Variants in ATXN1 observed in about 807,000 individuals in gnomAD.
ATXN1 encodes ataxin-1.
In ATXN1, 8 loss-of-function variants were observed where a neutral mutation model predicts 56.4. The ratio of observed to expected loss-of-function variants is 0.14; its 90% CI spans 0.08 to 0.26. The LOEUF (loss-of-function observed/expected upper bound fraction) is 0.26. ATXN1 is among the 10% of genes least tolerant of loss of function. ATXN1 has a pLI of 1.00. For missense variants in ATXN1, 987 were observed against 1,106.5 expected, an observed-to-expected ratio of 0.89 and a Z score of 1.53; for synonymous variants, 514 against 494.6, an observed-to-expected ratio of 1.04 and a Z score of -0.52.
chr6:16,580,364 T>C (rs930035663), intron 4 of ATXN1, among the ~76,000 whole-genome samples: 1 of 152,230 alleles, frequency 6.6e-6, no homozygotes, highest in Non-Finnish European at 1.5e-5. Flanking sequence ...AAAAGTACCA[T>C]AGAATACTGT....
intron 4 of ATXN1, among the ~76,000 whole-genome samples, chr6:16,531,552 T>G (rs916957390): frequency 1.3e-5 from 2 of 149,694 alleles, no homozygotes; most frequent in Non-Finnish European, 3.0e-5. Flanking sequence ...GAACCTGGGA[T>G]GTGGAGGTTG....
intron 3 of ATXN1, among the ~76,000 whole-genome samples, chr6:16,619,257 T>C (rs769531062): frequency 3.9e-5 from 6 of 152,168 alleles, no homozygotes; most frequent in Non-Finnish European, 8.8e-5. Flanking sequence ...AGGGCCTTAC[T>C]ATTTGAGCCA....
chr6:16,515,373 C>T (rs1262357352), intron 5 of ATXN1, among the ~76,000 whole-genome samples: 2 of 152,214 alleles, frequency 1.3e-5, no homozygotes, highest in East Asian at 3.9e-4. Flanking sequence ...GGACCCCTCC[C>T]CACAGCACTG....
chr6:16,566,594 CTG>C (rs1762222902), intron 4 of ATXN1, among the ~76,000 whole-genome samples: 1 of 152,106 alleles, frequency 6.6e-6, no homozygotes, highest in Non-Finnish European at 1.5e-5. Context: ...TGGCTCACGA[CTG>C]TAATCCCAGC....
At chr6:16,510,119 T>C (rs1249110323) in intron 5 of ATXN1, among the ~76,000 whole-genome samples, 1 of 152,224 alleles carries the variant, frequency 6.6e-6, no homozygotes, top group Non-Finnish European at 1.5e-5. Context: ...TCTTATGCCA[T>C]ACTTATTTGT....
chr6:16,447,924 T>C (rs986476868), intron 6 of ATXN1, among the ~76,000 whole-genome samples: 1 of 151,286 alleles, frequency 6.6e-6, no homozygotes, highest in South Asian at 2.1e-4. Flanking sequence ...ATGTGCCATA[T>C]AGTAGAATAA....
intron 2 of ATXN1, among the ~76,000 whole-genome samples, chr6:16,679,540 T>C (rs12198202): frequency 0.4 from 60,718 of 152,126 alleles, 12,629 homozygotes; most frequent in Non-Finnish European, 0.46. Flanking sequence ...AAAAGTCATA[T>C]ATAGTCAAAA....
rs532908497 is a variant in ATXN1 at position 16,530,686 on chromosome 6, A to T, written c.-360-7998T>A. The stretch of plus-strand genomic sequence containing the variant: ...AGTACCTGGTGACAAAATAATCTGT[A>T]AAACAAACCCCCATGACACAAGTTT... On this transcript the variant is annotated intron_variant, in intron 4 of 7. Coordinates refer to ENST00000436367, the MANE Select transcript of ATXN1 (RefSeq NM_001128164.2). Among the ~76,000 whole-genome samples the T allele has an allele frequency of 4.3e-4, 66 of 152,322 alleles. No homozygotes were observed. The South Asian group carries it at 4.3e-3, about 10-fold the overall frequency.
chr6:16,391,161 CA>C (rs35472967), intron 6 of ATXN1, among the ~76,000 whole-genome samples: 10,657 of 56,240 alleles, frequency 0.19, 426 homozygotes, highest in East Asian at 0.44. Context: ...GACTCCATCT[CA>C]AAAAAAAAAA....
At chr6:16,331,523 G>A (rs1760993063) in intron 6 of ATXN1, among the ~76,000 whole-genome samples, 1 of 152,150 alleles carries the variant, frequency 6.6e-6, no homozygotes, top group Non-Finnish European at 1.5e-5. Context: ...CCCTCCTGCA[G>A]CACTGATCCA....
intron 5 of ATXN1, among the ~76,000 whole-genome samples, chr6:16,514,282 A>T (rs1761136715): frequency 6.9e-6 from 1 of 145,484 alleles, no homozygotes; most frequent in South Asian, 2.1e-4. Flanking sequence ...TGTGGAGCTT[A>T]AAAAAAAGAA....
At chr6:16,404,493 A>C (rs1758643145) in intron 6 of ATXN1, among the ~76,000 whole-genome samples, 1 of 152,140 alleles carries the variant, frequency 6.6e-6, no homozygotes, top group Non-Finnish European at 1.5e-5. Flanking sequence ...ACTAAGCACA[A>C]GTTCTGTCCT....
chr6:16,723,559 C>G (rs937633361), intron 2 of ATXN1, among the ~76,000 whole-genome samples: 1 of 152,134 alleles, frequency 6.6e-6, no homozygotes, highest in Non-Finnish European at 1.5e-5. Flanking sequence ...TAGCGCATTT[C>G]CCCTCGTAGG....
chr6:16,538,894 C>T (rs1761658342), intron 4 of ATXN1, among the ~76,000 whole-genome samples: 1 of 152,168 alleles, frequency 6.6e-6, no homozygotes, highest in Non-Finnish European at 1.5e-5. Context: ...CCATGTTGTC[C>T]AGGATGGTCT....
At chr6:16,668,141 CTAAT>C (rs1758469082) in intron 2 of ATXN1, among the ~76,000 whole-genome samples, 1 of 152,272 alleles carries the variant, frequency 6.6e-6, no homozygotes, top group African/African-American at 2.4e-5. Context: ...TCATTTTTCT[CTAAT>C]TGAGTGAGGA....
chr6:16,551,863 C>T (rs189841882), intron 4 of ATXN1, among the ~76,000 whole-genome samples: 139 of 152,246 alleles, frequency 9.1e-4, no homozygotes, highest in African/African-American at 3.2e-3. Flanking sequence ...TTTGACATTT[C>T]CCTTGAAAAC....
At chr6:16,533,021 C>T (rs963106375) in intron 4 of ATXN1, among the ~76,000 whole-genome samples, 1 of 152,156 alleles carries the variant, frequency 6.6e-6, no homozygotes, top group Non-Finnish European at 1.5e-5. Context: ...AAATGTGATA[C>T]ATATGTGCAA....
chr6:16,478,637 A>G (rs1017868040), intron 6 of ATXN1, among the ~76,000 whole-genome samples: 13 of 152,194 alleles, frequency 8.5e-5, no homozygotes, highest in African/African-American at 2.9e-4. Context: ...TGAGTTTTAC[A>G]ATGCTTATAA....
intron 7 of ATXN1, among the ~76,000 whole-genome samples, chr6:16,309,094 G>A (rs558245703): frequency 1.3e-5 from 2 of 151,802 alleles, no homozygotes; most frequent in East Asian, 1.9e-4. Flanking sequence ...GCCTAGTGTG[G>A]TGATGCGTGC....
Sources: gnomAD v4.1 joint callset for allele counts (sites outside exome capture counted in the v4.1 genomes callset) on GRCh38, gnomAD v4.1.1 for gene constraint, MANE v1.5 for transcripts, NCBI Gene and HGNC (gene_info 2026-07-23, HGNC 2026-07-21) for gene names.